ZRANB1: variants seen among roughly 807,000 people sequenced by gnomAD.
The protein encoded by ZRANB1 is zinc finger RANBP2-type containing 1.
Under a neutral mutation model 80.5 loss-of-function variants are expected in ZRANB1, and 16 were observed. The ratio of observed to expected loss-of-function variants is 0.20; its 90% CI spans 0.13 to 0.30. The LOEUF (loss-of-function observed/expected upper bound fraction) is 0.30. Ranked by LOEUF, ZRANB1 falls within the 10% of genes least tolerant of loss-of-function variation. ZRANB1 has a pLI of 1.00. For missense variants in ZRANB1, 576 were observed against 862.6 expected, an observed-to-expected ratio of 0.67 and a Z score of 4.16; for synonymous variants, 291 against 293.1, an observed-to-expected ratio of 0.99 and a Z score of 0.07.
In ZRANB1 at chr10:124,943,175, A is replaced by G. The variant is rs1951551540; in HGVS notation, c.682A>G (p.Met228Val). ...PATKRDSEVKMDFQRIELAGA... is the reference protein window; with the variant it reads ...PATKRDSEVKVDFQRIELAGA... Reference sequence around the variant, plus strand: ...TACGAAGCGGGACTCTGAAGTGAAAATGGATTTTCAGAGGATTGAATTGGC... The same window carrying G: ...TACGAAGCGGGACTCTGAAGTGAAAGTGGATTTTCAGAGGATTGAATTGGC... Residue 228 changes from methionine to valine, a missense_variant, in exon 1 of 9, where the codon ATG becomes GTG. This residue lies in a region of ZRANB1 where 411 missense variants were observed against 583.1 expected (regional missense o/e 0.70). Coordinates refer to ENST00000359653, the MANE Select transcript of ZRANB1 (RefSeq NM_017580.3). 1 of 1,614,242 alleles carries G rather than the reference A, an allele frequency of 6.2e-7. No homozygotes were observed.
At chr10:124,982,425 T>C (rs1951943812) in intron 6 of ZRANB1, among the ~76,000 whole-genome samples, 1 of 152,264 alleles carries the variant, frequency 6.6e-6, no homozygotes, top group African/African-American at 2.4e-5. Flanking sequence ...AATGTGGGAA[T>C]GAAGTTTTGC....
chr10:124,968,736 C>A, intron 2 of ZRANB1, among the ~76,000 whole-genome samples: 1 of 152,054 alleles, frequency 6.6e-6, no homozygotes, highest in East Asian at 1.9e-4. Context: ...TAAGGGGCTC[C>A]CCTAAAGGTA....
intron 1 of ZRANB1, among the ~76,000 whole-genome samples, chr10:124,965,220 G>A (rs6597864): frequency 0.83 from 126,496 of 152,204 alleles, 53,062 homozygotes; most frequent in East Asian, 0.95. Context: ...GTATATGCAT[G>A]GTGAGGAATT....
upstream of ZRANB1, among the ~76,000 whole-genome samples, chr10:124,938,651 A>G (rs1003556987): frequency 5.3e-5 from 8 of 151,826 alleles, no homozygotes; most frequent in African/African-American, 1.9e-4. Context: ...CAGTTACTAA[A>G]CAACATTCCT....
chr10:124,979,026 C>T (rs1951908560), intron 5 of ZRANB1, among the ~76,000 whole-genome samples: 1 of 151,936 alleles, frequency 6.6e-6, no homozygotes, highest in Admixed American at 6.6e-5. Context: ...TAATGAGACC[C>T]TGTCTGAAAA....
chr10:124,921,199 G>A, the ZRANB1 span, among the ~76,000 whole-genome samples: 1 of 152,140 alleles, frequency 6.6e-6, no homozygotes, highest in Non-Finnish European at 1.5e-5. Flanking sequence ...TTGGGTCTTG[G>A]ATGCTAAGTT....
At chr10:124,967,434 A>G (rs1951785456) in intron 2 of ZRANB1, among the ~76,000 whole-genome samples, 1 of 152,062 alleles carries the variant, frequency 6.6e-6, no homozygotes, top group Non-Finnish European at 1.5e-5. Context: ...GGTGATTGGG[A>G]ATGGAGAGAA....
chr10:124,961,162 C>T (rs557990626), intron 1 of ZRANB1, among the ~76,000 whole-genome samples: 3 of 151,978 alleles, frequency 2.0e-5, no homozygotes, highest in South Asian at 2.1e-4. Context: ...CCCCCACGCC[C>T]GGCTAATTTT....
intron 1 of ZRANB1, among the ~76,000 whole-genome samples, chr10:124,948,672 C>T (rs559962136): frequency 6.6e-6 from 1 of 152,244 alleles, no homozygotes; most frequent in Admixed American, 6.5e-5. Flanking sequence ...CATTATCCCT[C>T]CCCACAGCAT....
chr10:124,942,949 C>G lies in ZRANB1; in HGVS notation c.456C>G (p.His152Gln). The change falls in exon 1 of 9, where the codon CAC (histidine) becomes CAG (glutamine). Residue 152 changes from histidine (H) to glutamine (Q), a missense_variant. Physicochemically the swap from His to Gln is conservative, Grantham distance 24. Transcript: ENST00000359653. ...DRNKLNTRTQ[H>Q]WTCSVCTYEN... ...ATAAACTGAACACTAGGACACAGCA[C>G]TGGACTTGCTCTGTTTGCACATATG... The G allele has an allele frequency of 6.2e-7, 1 of 1,614,220 alleles. No individual in the cohort carries two copies. Among genetic ancestry groups the G allele is most frequent in the Middle Eastern group, 1.6e-4 (1 of 6,062 alleles).
At chr10:124,982,835 G>A (rs1486386213) in intron 6 of ZRANB1, among the ~76,000 whole-genome samples, 1 of 152,220 alleles carries the variant, frequency 6.6e-6, no homozygotes, top group African/African-American at 2.4e-5. Flanking sequence ...TGCTTTCACA[G>A]TAACTTAACG....
chr10:124,979,327 T>C lies in ZRANB1; in HGVS notation c.1428-2382T>C, dbSNP rs150395048. On this transcript the variant is annotated intron_variant, in intron 5 of 8. Coordinates refer to ENST00000359653, the MANE Select transcript of ZRANB1 (RefSeq NM_017580.3). ...TTCATGTGCTTATTGCTCATTCCTA[T>C]AGCGTCTTTGGTTTAATATCTTTCC... Among the ~76,000 whole-genome samples, 78 of 152,356 alleles carry C rather than the reference T, an allele frequency of 5.1e-4. No homozygotes were observed. In the East Asian group the frequency reaches 0.013, roughly 26 times the overall value.
intron 5 of ZRANB1, among the ~76,000 whole-genome samples, chr10:124,974,871 C>A: frequency 6.6e-6 from 1 of 152,184 alleles, no homozygotes; most frequent in Non-Finnish European, 1.5e-5. Context: ...AGTCTTGGCC[C>A]ACTGCATCCT....
At chr10:124,953,993 T>G (rs1951665546) in intron 1 of ZRANB1, among the ~76,000 whole-genome samples, 1 of 151,772 alleles carries the variant, frequency 6.6e-6, no homozygotes, top group African/African-American at 2.4e-5. Context: ...GGAGACAGGA[T>G]TTTGCTCTGT....
the ZRANB1 span, among the ~76,000 whole-genome samples, chr10:124,917,496 G>A: frequency 6.6e-6 from 1 of 151,940 alleles, no homozygotes; most frequent in East Asian, 1.9e-4. Flanking sequence ...GGGCGGGTCC[G>A]CCCAGCTTGT....
At chr10:124,962,970 G>C (rs929676876) in intron 1 of ZRANB1, among the ~76,000 whole-genome samples, 4 of 152,098 alleles carry the variant, frequency 2.6e-5, no homozygotes, top group African/African-American at 9.7e-5. Context: ...AAAGTACTAA[G>C]AGAAAGATGC....
At chr10:124,923,361 A>T in the ZRANB1 span, among the ~76,000 whole-genome samples, 1 of 150,832 alleles carries the variant, frequency 6.6e-6, no homozygotes. Flanking sequence ...TGGGAGGCCA[A>T]GGCAGGTGGA....
At chr10:124,977,525 C>T (rs1407001467) in intron 5 of ZRANB1, among the ~76,000 whole-genome samples, 1 of 151,572 alleles carries the variant, frequency 6.6e-6, no homozygotes, top group African/African-American at 2.4e-5. Flanking sequence ...GCCTTGGCAA[C>T]ATAGTGAAAC....
chr10:124,941,540 C>A (rs1014468001), upstream of ZRANB1, among the ~76,000 whole-genome samples: 4 of 152,098 alleles, frequency 2.6e-5, no homozygotes, highest in East Asian at 7.7e-4. Flanking sequence ...TTTATAGAGA[C>A]GGGGCTTTAC....
Sources: allele counts gnomAD v4.1 joint callset (sites outside exome capture counted in the v4.1 genomes callset), GRCh38; gene constraint gnomAD v4.1.1; regional missense constraint gnomAD v4.1.1; transcripts MANE v1.5; gene names NCBI Gene and HGNC (gene_info 2026-07-23, HGNC 2026-07-21).